SFMBT1: variants seen among roughly 807,000 people sequenced by gnomAD.
The protein encoded by SFMBT1 is scm-like with four MBT domains protein 1.
SFMBT1 carries 32 observed loss-of-function variants against 108.7 expected under a neutral mutation model. The ratio of observed to expected loss-of-function variants is 0.29; its 90% confidence interval spans 0.22 to 0.40. SFMBT1 has a LOEUF of 0.40. SFMBT1 is among the 10% of genes least tolerant of loss of function. SFMBT1 has a pLI of 1.00. For missense variants in SFMBT1, 816 were observed against 1,059.6 expected (o/e 0.77, Z 3.19); for synonymous variants, 348 against 369.5 (o/e 0.94, Z 0.67).
intron 10 of SFMBT1, among the ~76,000 whole-genome samples, chr3:52,925,276 T>C (rs1387847182): frequency 1.3e-5 from 2 of 152,218 alleles, no homozygotes; most frequent in African/African-American, 2.4e-5. Flanking sequence ...ATGCATATCA[T>C]AATGTAAAAA....
chr3:52,915,753 A>C (rs577622263), intron 14 of SFMBT1, among the ~76,000 whole-genome samples: 8 of 152,336 alleles, frequency 5.3e-5, no homozygotes, highest in Middle Eastern at 3.4e-3. Context: ...ATAAACTGTG[A>C]AATTTATATA....
chr3:53,009,307 G>A (rs1463502050), intron 1 of SFMBT1, among the ~76,000 whole-genome samples: 2 of 151,972 alleles, frequency 1.3e-5, no homozygotes, highest in Non-Finnish European at 2.9e-5. Flanking sequence ...TTAGCCCAGT[G>A]CATGGTGACA....
At chr3:53,015,318 G>A (rs1699089635) in intron 1 of SFMBT1, among the ~76,000 whole-genome samples, 1 of 151,984 alleles carries the variant, frequency 6.6e-6, no homozygotes, top group Non-Finnish European at 1.5e-5. Context: ...TGCTGTCAAG[G>A]ATGTGGAGAA....
chr3:52,983,504 A>G (rs549340179), intron 1 of SFMBT1, among the ~76,000 whole-genome samples: 2 of 152,220 alleles, frequency 1.3e-5, no homozygotes, highest in Non-Finnish European at 2.9e-5. Context: ...AGGGTCAACT[A>G]TAATATGTAT....
At chr3:52,910,769 A>C (rs1458502820) in intron 17 of SFMBT1, among the ~76,000 whole-genome samples, 3 of 152,212 alleles carry the variant, frequency 2.0e-5, no homozygotes, top group Non-Finnish European at 4.4e-5. Context: ...GATTACAGGC[A>C]TGAGCCACCA....
intron 13 of SFMBT1, among the ~76,000 whole-genome samples, chr3:52,917,515 T>A (rs1336452982): frequency 3.3e-5 from 5 of 152,216 alleles, no homozygotes; most frequent in Non-Finnish European, 7.4e-5. Context: ...TGATCTTGGA[T>A]TTTCCAGCCT....
chr3:52,923,905 G>A (rs1043094915), intron 10 of SFMBT1, among the ~76,000 whole-genome samples: 10 of 152,058 alleles, frequency 6.6e-5, no homozygotes, highest in South Asian at 2.1e-4. Context: ...CTAGCACAGC[G>A]GATGAAAACA....
intron 2 of SFMBT1, among the ~76,000 whole-genome samples, chr3:52,958,957 C>T (rs145122130): frequency 4.0e-4 from 61 of 152,228 alleles, no homozygotes; most frequent in Non-Finnish European, 6.8e-4. Flanking sequence ...TAAAAAGGAA[C>T]GAGATAATGT....
chr3:53,040,440 A>T (rs890369108), intron 1 of SFMBT1, among the ~76,000 whole-genome samples: 2 of 152,168 alleles, frequency 1.3e-5, no homozygotes, highest in Non-Finnish European at 2.9e-5. Context: ...CTGCCAACAA[A>T]CCACCTTCCA....
chr3:53,015,863 G>A (rs1699107399), intron 1 of SFMBT1, among the ~76,000 whole-genome samples: 1 of 152,118 alleles, frequency 6.6e-6, no homozygotes, highest in Admixed American at 6.5e-5. Flanking sequence ...TATCATGATG[G>A]TTACACTACC....
At chr3:52,959,142 G>C (rs1452930209) in intron 2 of SFMBT1, among the ~76,000 whole-genome samples, 1 of 151,944 alleles carries the variant, frequency 6.6e-6, no homozygotes, top group African/African-American at 2.4e-5. Flanking sequence ...ACGGGGGAGG[G>C]AGAGCATCAG....
At chr3:53,042,282 T>C (rs766309873) in intron 1 of SFMBT1, among the ~76,000 whole-genome samples, 3 of 152,240 alleles carry the variant, frequency 2.0e-5, no homozygotes, top group Non-Finnish European at 4.4e-5. Context: ...TAGGTATCAC[T>C]GTGAAAGCAA....
rs762718940 is a variant in SFMBT1 at position 52,980,223 on chromosome 3, A to G, written c.-130-10965T>C. On this transcript the variant is annotated intron_variant, in intron 1 of 20. Coordinates refer to ENST00000394752, the MANE Select transcript of SFMBT1 (RefSeq NM_016329.4). ...AAACCTAAAGATGCAGTTTTACATC[A>G]TAACTACACAAAATTAAGTGTAGTA... 3.5e-4 allele frequency among the ~76,000 whole-genome samples: 54 copies of G among 152,202 alleles called. 2 individuals are homozygous for G. Among genetic ancestry groups the G allele is most frequent in the Non-Finnish European group, 1.8e-4 (12 of 68,040 alleles).
chr3:53,045,333 C>A (rs1700191325), intron 1 of SFMBT1: 1 of 141,148 alleles, frequency 7.1e-6, no homozygotes, highest in African/African-American at 2.5e-5. Context: ...GGAGCGAGCC[C>A]GGGGGGCGGG....
chr3:52,907,316 T>A lies in SFMBT1; in HGVS notation c.2086-2A>T. 1 of 1,610,210 alleles carries A rather than the reference T, an allele frequency of 6.2e-7. No homozygotes were observed. The highest frequency in any genetic ancestry group is 8.5e-7 in the Non-Finnish European group (1 of 1,178,380). ...ATCCTCATCTTCACCCCCACTTCCC[T>A]GCAGGAAAAGGAGAGAAGTCTCATT... On this transcript the variant is annotated splice_acceptor_variant, in intron 18 of 20. Coordinates refer to ENST00000394752, the MANE Select transcript of SFMBT1 (RefSeq NM_016329.4). LOFTEE classifies it high-confidence loss of function.
At chr3:53,014,222 T>C (rs1699049673) in intron 1 of SFMBT1, among the ~76,000 whole-genome samples, 1 of 152,246 alleles carries the variant, frequency 6.6e-6, no homozygotes, top group Non-Finnish European at 1.5e-5. Context: ...TTTTCCAAAA[T>C]GGATTTCCTC....
intron 1 of SFMBT1, among the ~76,000 whole-genome samples, chr3:53,025,671 T>TTCTAGAATATTTCTAGAATA (rs1227935204): frequency 2.0e-5 from 3 of 152,132 alleles, no homozygotes; most frequent in African/African-American, 7.2e-5. Flanking sequence ...TAGAATATAT[T>TTCTAGAATATTTCTAGAATA]TTTACTTCCC....
chr3:52,904,433 C>T lies in SFMBT1; in HGVS notation c.*703G>A, dbSNP rs1395269496. ...TTAAGAAAGCAAACAGTTTCCCCCC[C>T]TCCAAATTCTGTCATAATTTTAGTG... On this transcript the variant is annotated 3_prime_UTR_variant, in exon 21 of 21. Coordinates refer to ENST00000394752, the MANE Select transcript of SFMBT1 (RefSeq NM_016329.4). 1.3e-5 allele frequency: 2 copies of T among 152,232 alleles called. No homozygotes were observed. Among genetic ancestry groups the T allele is most frequent in the East Asian group, 1.9e-4 (1 of 5,190 alleles). The allele number at this position is 152,232 out of a possible 1,614,324, so 9.4% of individuals were successfully genotyped here. A position where few individuals can be genotyped will look rare whatever the true frequency, so the allele number is the denominator to read the frequency against.
chr3:52,981,464 G>A (rs1704708482), intron 1 of SFMBT1, among the ~76,000 whole-genome samples: 1 of 151,386 alleles, frequency 6.6e-6, no homozygotes, highest in African/African-American at 2.4e-5. Context: ...CTAGGCTCAA[G>A]CAATCCTCTC....
Sources: gnomAD v4.1 joint callset for allele counts (sites outside exome capture counted in the v4.1 genomes callset) on GRCh38, gnomAD v4.1.1 for gene constraint, MANE v1.5 for transcripts, NCBI Gene and HGNC (gene_info 2026-07-23, HGNC 2026-07-21) for gene names.